PLCL2: variants seen among roughly 807,000 people sequenced by gnomAD.
PLCL2 encodes the protein phospholipase C like 2.
Under a neutral mutation model 79.6 loss-of-function variants are expected in PLCL2, and 4 were observed. The ratio of observed to expected loss-of-function variants is 0.05; its 90% CI spans 0.02 to 0.11. The LOEUF is 0.11. PLCL2 is among the 10% of genes least tolerant of loss of function. PLCL2 has a pLI of 1.00. For missense variants in PLCL2, 895 were observed against 1,291.0 expected, an observed-to-expected ratio of 0.69 and a Z score of 4.70; for synonymous variants, 484 against 457.7, an observed-to-expected ratio of 1.06 and a Z score of -0.73.
At chr3:17,034,253 G>C (rs887528443) in intron 3 of PLCL2, among the ~76,000 whole-genome samples, 9 of 152,184 alleles carry the variant, frequency 5.9e-5, no homozygotes, top group Non-Finnish European at 1.3e-4. Context: ...ATGTGTGTGT[G>C]AGTGTGCCCT....
chr3:17,027,459 C>G (rs541555548), intron 3 of PLCL2, among the ~76,000 whole-genome samples: 161 of 152,290 alleles, frequency 1.1e-3, no homozygotes, highest in Non-Finnish European at 2.0e-3. Flanking sequence ...GTAGTTGCGA[C>G]AGAAACTAAG....
intron 4 of PLCL2, among the ~76,000 whole-genome samples, chr3:17,043,418 A>G (rs1052253206): frequency 1.3e-5 from 2 of 152,190 alleles, no homozygotes; most frequent in Non-Finnish European, 2.9e-5. Context: ...GCGTGCTGAT[A>G]AATTCATTAA....
chr3:16,995,124 G>A (rs2064140829), intron 1 of PLCL2, among the ~76,000 whole-genome samples: 1 of 152,230 alleles, frequency 6.6e-6, no homozygotes, highest in African/African-American at 2.4e-5. Flanking sequence ...GCCAAGGGCT[G>A]GGCAAGGACT....
intron 1 of PLCL2, among the ~76,000 whole-genome samples, chr3:16,893,360 T>C (rs1376465188): frequency 6.6e-6 from 1 of 152,258 alleles, no homozygotes; most frequent in African/African-American, 2.4e-5. Context: ...TCTTCTATTA[T>C]TGTTTCGGAA....
intron 1 of PLCL2, among the ~76,000 whole-genome samples, chr3:16,947,852 A>G (rs540473450): frequency 6.6e-6 from 1 of 152,328 alleles, no homozygotes; most frequent in South Asian, 2.1e-4. Flanking sequence ...TTAGCATTTA[A>G]GAGAGGGTTA....
intron 1 of PLCL2, among the ~76,000 whole-genome samples, chr3:16,915,540 A>AT (rs1007469387): frequency 6.6e-5 from 10 of 151,942 alleles, no homozygotes; most frequent in Non-Finnish European, 4.4e-5. Flanking sequence ...GTTTAGATAT[A>AT]TTTTTTTGTA....
At position 17,005,879 on chromosome 3, in the gene PLCL2, G is replaced by A. The variant is rs146197487; in HGVS notation, c.328-3795G>A. Among the ~76,000 whole-genome samples, 51 of 152,288 alleles carry A rather than the reference G, an allele frequency of 3.3e-4. 2 individuals are homozygous for A. The East Asian group carries it at 7.5e-3, about 22-fold the overall frequency. On this transcript the variant is annotated intron_variant, in intron 1 of 5. Transcript: ENST00000615277. Reference sequence around the variant, plus strand: ...TAATAGAGTAGCAGAATTGCACCAAGTTTCCCTTCTGTTGTATTCACCACT... The same window carrying A: ...TAATAGAGTAGCAGAATTGCACCAAATTTCCCTTCTGTTGTATTCACCACT...
intron 1 of PLCL2, among the ~76,000 whole-genome samples, chr3:16,966,341 A>G (rs1418279372): frequency 6.6e-6 from 1 of 151,972 alleles, no homozygotes; most frequent in Non-Finnish European, 1.5e-5. Context: ...CGTATGTTGA[A>G]CCAGCCTTGC....
At chr3:17,081,052 A>G (rs185448886) in intron 5 of PLCL2, 11 of 401,084 alleles carry the variant, frequency 2.7e-5, no homozygotes, top group Middle Eastern at 3.6e-4. Flanking sequence ...TCTACCCGTA[A>G]TCTCTCTAAA....
chr3:16,948,684 A>G (rs1285178905), intron 1 of PLCL2, among the ~76,000 whole-genome samples: 2 of 152,204 alleles, frequency 1.3e-5, no homozygotes, highest in Admixed American at 6.5e-5. Flanking sequence ...ATCTGAGGAA[A>G]GTTCTCAGCA....
At chr3:16,898,201 G>A (rs1484860548) in intron 1 of PLCL2, among the ~76,000 whole-genome samples, 9 of 152,090 alleles carry the variant, frequency 5.9e-5, no homozygotes, top group Non-Finnish European at 8.8e-5. Flanking sequence ...TGACACAATT[G>A]TTAACACATA....
At chr3:17,068,160 C>G in intron 5 of PLCL2, 95 bp downstream of exon 5, 1 of 693,384 alleles carries the variant, frequency 1.4e-6, no homozygotes, top group Non-Finnish European at 2.6e-6. Flanking sequence ...TGTACATGGT[C>G]AGCCACTGAG....
At position 17,009,928 on chromosome 3, in the gene PLCL2, G is replaced by A. The variant is rs765769300; in HGVS notation, c.582G>A (p.Val194=). Residue 194 remains valine, a synonymous_variant, in exon 2 of 6, where the codon GTG becomes GTA. Transcript: ENST00000615277. The surrounding 1 kb of genome is among the most constrained non-coding windows in gnomAD (Gnocchi z 4.0). ...TTGACATTAAATCCATCAAGGAAGT[G>A]AGAACAGGAAAAAACACAGACATAT... ...AKIDIKSIKE[V]RTGKNTDIFR... 201 of 1,613,910 alleles carry A rather than the reference G, an allele frequency of 1.2e-4. No individual in the cohort carries two copies. The highest frequency in any genetic ancestry group is 1.6e-4 in the Non-Finnish European group (184 of 1,179,924).
At chr3:16,942,301 T>C (rs1160858585) in intron 1 of PLCL2, among the ~76,000 whole-genome samples, 1 of 152,228 alleles carries the variant, frequency 6.6e-6, no homozygotes, top group Non-Finnish European at 1.5e-5. Context: ...GAGCTCTTTT[T>C]TATTTGTTTA....
At chr3:16,922,090 T>C (rs1206824134) in intron 1 of PLCL2, among the ~76,000 whole-genome samples, 1 of 152,174 alleles carries the variant, frequency 6.6e-6, no homozygotes, top group Non-Finnish European at 1.5e-5. Context: ...TTTTAATAGT[T>C]ATGAACTTTT....
intron 1 of PLCL2, among the ~76,000 whole-genome samples, chr3:16,901,675 T>G (rs1696622069): frequency 6.6e-6 from 1 of 152,216 alleles, no homozygotes; most frequent in African/African-American, 2.4e-5. Flanking sequence ...TGTCTTTAAC[T>G]TCTCTGTCTG....
At chr3:17,072,670 G>GA (rs547845475) in intron 5 of PLCL2, among the ~76,000 whole-genome samples, 2,964 of 77,072 alleles carry the variant, frequency 0.038, 88 homozygotes, top group African/African-American at 0.1. Context: ...CTGTCTCAAA[G>GA]AAAAAAAAAA....
At chr3:17,037,392 C>A (rs1377022752) in intron 3 of PLCL2, among the ~76,000 whole-genome samples, 1 of 152,166 alleles carries the variant, frequency 6.6e-6, no homozygotes, top group Admixed American at 6.5e-5. Context: ...GAATGATAAT[C>A]TTTTCATTTT....
chr3:16,941,293 G>A (rs576120877), intron 1 of PLCL2, among the ~76,000 whole-genome samples: 3 of 152,088 alleles, frequency 2.0e-5, no homozygotes, highest in Non-Finnish European at 4.4e-5. Flanking sequence ...TTCCACTGTT[G>A]CATTAGCCTC....
Sources: allele counts gnomAD v4.1 joint callset (sites outside exome capture counted in the v4.1 genomes callset), GRCh38; gene constraint gnomAD v4.1.1; non-coding constraint Gnocchi (gnomAD v3.1); transcripts MANE v1.5; gene names NCBI Gene and HGNC (gene_info 2026-07-23, HGNC 2026-07-21).